Variants in SLC66A1 observed in about 807,000 individuals in gnomAD.
SLC66A1 encodes lysosomal amino acid transporter 1 homolog.
Under a neutral mutation model 33.0 loss-of-function variants are expected in SLC66A1, and 23 were observed. The observed-to-expected ratio is 0.70, with a 90% CI of 0.50 to 0.99. The LOEUF is 0.99. Among genes scored for constraint, SLC66A1 ranks in the 50% least tolerant of loss-of-function variants. The pLI, the probability that SLC66A1 is intolerant of heterozygous loss-of-function variation, is 0.00. For synonymous variants in SLC66A1, 164 were observed against 175.5 expected, an observed-to-expected ratio of 0.93 and a Z score of 0.52; for missense variants, 335 against 383.6, an observed-to-expected ratio of 0.87 and a Z score of 1.06.
chr1:19,326,715 G>A, intron 6 of SLC66A1, 92 bp downstream of exon 6: 1 of 1,335,052 alleles, frequency 7.5e-7, no homozygotes, highest in Non-Finnish European at 1.1e-6. Context: ...CACAGCATAG[G>A]AGCCTTGGTT....
At chr1:19,320,710 T>C (rs547215830) in intron 2 of SLC66A1, among the ~76,000 whole-genome samples, 48 of 149,882 alleles carry the variant, frequency 3.2e-4, no homozygotes, top group Admixed American at 1.7e-3. Context: ...CCACCGCACC[T>C]GGCCTCACTT....
downstream of SLC66A1, among the ~76,000 whole-genome samples, chr1:19,333,899 CAAACAAAACAAAACA>C (rs71008144): frequency 2.1e-3 from 211 of 98,376 alleles, 1 homozygote; most frequent in African/African-American, 5.2e-3. The surrounding 1 kb of genome is among the most constrained non-coding windows in gnomAD (Gnocchi z 4.2). Flanking sequence ...GACCTTGTCT[CAAACAAAACAAAACA>C]AAACAAAACA....
downstream of SLC66A1, chr1:19,329,409 C>T (rs905320480): frequency 6.6e-6 from 1 of 152,652 alleles, no homozygotes; most frequent in African/African-American, 2.4e-5. Flanking sequence ...GAGGGGACCG[C>T]ATCTGCCTGC....
At position 19,327,259 on chromosome 1, in the gene SLC66A1, C is replaced by T. The variant is rs111669548; in HGVS notation, c.651C>T (p.Tyr217=). 6.9e-5 allele frequency: 112 copies of T among 1,613,958 alleles called. 1 individual carries two copies. The African/African-American group carries it at 9.1e-4, about 13-fold the overall frequency. Residue 217 remains tyrosine, a synonymous_variant, in exon 7 of 8, where the codon TAC becomes TAT. Coordinates refer to ENST00000375153, the MANE Select transcript of SLC66A1 (RefSeq NM_001040125.2). ...GGAAGTCCACCCAGGGGATCTCCTA[C>T]TCTCTGTTCGCGCTGGTGATGCTGG... is the stretch of plus-strand genomic sequence containing the variant. ...FLRKSTQGIS[Y]SLFALVMLGN... is the part of the protein sequence containing the mutation.
intron 2 of SLC66A1, among the ~76,000 whole-genome samples, chr1:19,320,347 C>T (rs2093828024): frequency 6.6e-6 from 1 of 150,998 alleles, no homozygotes; most frequent in African/African-American, 2.4e-5. Flanking sequence ...CATCATTTTA[C>T]TTTCCCACCA....
intron 1 of SLC66A1, among the ~76,000 whole-genome samples, chr1:19,316,699 C>T (rs929816892): frequency 7.2e-5 from 11 of 151,918 alleles, no homozygotes; most frequent in Admixed American, 2.6e-4. Context: ...CAGGGTCTTG[C>T]TCTGTCATCC....
At chr1:19,313,804 T>C (rs527301893) in intron 1 of SLC66A1, among the ~76,000 whole-genome samples, 37 of 152,296 alleles carry the variant, frequency 2.4e-4, no homozygotes, top group African/African-American at 8.9e-4. Context: ...GGTGGACACA[T>C]GATTGGCTGT....
At position 19,328,671 on chromosome 1, in the gene SLC66A1, A is replaced by C. The variant is rs1427153652; in HGVS notation, c.*28A>C. The C allele has an allele frequency of 1.9e-6, 3 of 1,608,330 alleles. No homozygotes were observed. Among genetic ancestry groups the C allele is most frequent in the African/African-American group, 2.7e-5 (2 of 74,556 alleles). On this transcript the variant is annotated 3_prime_UTR_variant, in exon 8 of 8. Coordinates refer to ENST00000375153, the MANE Select transcript of SLC66A1 (RefSeq NM_001040125.2). This position sits in a 1 kb window ranked among gnomAD's most constrained non-coding sequence, Gnocchi z 4.7. ...AGAACCAGGCTGAGCGCAGGAGGACAGGCACCACCGGATGCCACACCAGGC... is the reference window on the plus strand; with the variant it reads ...AGAACCAGGCTGAGCGCAGGAGGACCGGCACCACCGGATGCCACACCAGGC...
rs1378840318 is a variant in SLC66A1 at position 19,317,630 on chromosome 1, C to T, written c.-48C>T. 6.2e-7 allele frequency: 1 copy of T among 1,601,292 alleles called. No homozygotes were observed. The highest frequency in any genetic ancestry group is 1.7e-5 in the Admixed American group (1 of 58,672). ...TTGCTGGCCTCAGAACACCAGCGCC[C>T]TCCCTCCGGTGCAGCCCTGCCTGGC... On this transcript the variant is annotated 5_prime_UTR_variant, in exon 2 of 8. Coordinates refer to ENST00000375153, the MANE Select transcript of SLC66A1 (RefSeq NM_001040125.2).
chr1:19,313,599 GTCT>G (rs2093789284), intron 1 of SLC66A1, among the ~76,000 whole-genome samples: 1 of 87,816 alleles, frequency 1.1e-5, no homozygotes, highest in Admixed American at 1.2e-4. Flanking sequence ...TTAGAAGTGA[GTCT>G]TCTTATCTCA....
intron 2 of SLC66A1, among the ~76,000 whole-genome samples, chr1:19,319,922 G>T (rs2093825865): frequency 6.7e-6 from 1 of 150,018 alleles, no homozygotes; most frequent in South Asian, 2.1e-4. Context: ...TTGAGACAAG[G>T]TCTCACTCTG....
chr1:19,316,877 C>CT (rs1191965502), intron 1 of SLC66A1, among the ~76,000 whole-genome samples: 1,556 of 69,826 alleles, frequency 0.022, 29 homozygotes, highest in African/African-American at 0.064. Flanking sequence ...TTCTTTCTTT[C>CT]TTTTTTTTTT....
At chr1:19,325,624 GCA>G in intron 4 of SLC66A1, 42 bp downstream of exon 4, 1 of 1,281,822 alleles carries the variant, frequency 7.8e-7, no homozygotes, top group Non-Finnish European at 1.1e-6. Context: ...TCTACCAGCA[GCA>G]GGGGGCAGTT....
At chr1:19,329,510 A>G (rs1178529808), downstream of SLC66A1, among the ~76,000 whole-genome samples, 1 of 152,200 alleles carries the variant, frequency 6.6e-6, no homozygotes, top group Admixed American at 6.5e-5. Flanking sequence ...CTGTGGGGAC[A>G]TAGCAGGGAG....
rs1007395945 is a variant in SLC66A1, at chr1:19,320,386, A to C, written c.164+2545A>C. Reference sequence around the variant, plus strand: ...GCATATGAAGGCTCCAGTTTCTCCAAATCCTCCTCAACACTGGTGGCCTGT... The same window carrying C: ...GCATATGAAGGCTCCAGTTTCTCCACATCCTCCTCAACACTGGTGGCCTGT... On this transcript the variant is annotated intron_variant, in intron 2 of 7. Transcript: ENST00000375153. Among the ~76,000 whole-genome samples, 26 of 150,004 alleles carry C rather than the reference A, an allele frequency of 1.7e-4. 1 individual carries two copies. Among genetic ancestry groups the C allele is most frequent in the Admixed American group, 6.6e-4 (10 of 15,078 alleles).
intron 5 of SLC66A1, 28 bp downstream of exon 5, chr1:19,326,415 G>A (rs904227274): frequency 2.5e-6 from 4 of 1,605,780 alleles, no homozygotes; most frequent in Non-Finnish European, 3.4e-6. Context: ...CGGTCGAAGG[G>A]ATGGAGGCTG....
chr1:19,326,655 A>C, intron 6 of SLC66A1, 32 bp downstream of exon 6: 4 of 1,606,376 alleles, frequency 2.5e-6, no homozygotes, highest in Non-Finnish European at 3.4e-6. Context: ...GGTGGGGCCG[A>C]GTAGAGGAGA....
chr1:19,319,615 T>TGTTTTTTTTTTTG (rs1553261870), intron 2 of SLC66A1, among the ~76,000 whole-genome samples: 5 of 148,520 alleles, frequency 3.4e-5, no homozygotes, highest in African/African-American at 1.0e-4. Context: ...GTTTTTTTTT[T>TGTTTTTTTTTTTG]TTTTTTGCCT....
chr1:19,316,490 G>A (rs1017933333), intron 1 of SLC66A1, among the ~76,000 whole-genome samples: 2 of 151,618 alleles, frequency 1.3e-5, no homozygotes, highest in East Asian at 1.9e-4. Flanking sequence ...GGGCTCAAGC[G>A]ATTCTTCCAC....
Sources: gnomAD v4.1 joint callset for allele counts (sites outside exome capture counted in the v4.1 genomes callset) on GRCh38, gnomAD v4.1.1 for gene constraint, Gnocchi (gnomAD v3.1) non-coding constraint, MANE v1.5 for transcripts, NCBI Gene and HGNC (gene_info 2026-07-23, HGNC 2026-07-21) for gene names.